RNF149: variants seen among roughly 807,000 people sequenced by gnomAD.
RNF149 encodes the protein E3 ubiquitin-protein ligase RNF149.
RNF149 carries 21 observed loss-of-function variants against 39.0 expected under a neutral mutation model. The ratio of observed to expected loss-of-function variants is 0.54; its 90% CI spans 0.38 to 0.77. The LOEUF (loss-of-function observed/expected upper bound fraction) is 0.77, where lower values mean the gene tolerates loss of function less well. RNF149 is among the 30% of genes least tolerant of loss of function. The pLI, the probability that RNF149 is intolerant of heterozygous loss-of-function variation, is 0.00. For missense variants in RNF149, 493 were observed against 534.9 expected, an observed-to-expected ratio of 0.92 and a Z score of 0.77; for synonymous variants, 209 against 213.6, an observed-to-expected ratio of 0.98 and a Z score of 0.19.
intron 6 of RNF149, among the ~76,000 whole-genome samples, chr2:101,278,124 T>A (rs538124386): frequency 6.6e-6 from 1 of 152,186 alleles, no homozygotes; most frequent in African/African-American, 2.4e-5. Flanking sequence ...CATTACTTTT[T>A]ATTTTGCCAA....
At chr2:101,292,399 C>A (rs957950292) in intron 3 of RNF149, among the ~76,000 whole-genome samples, 6 of 152,252 alleles carry the variant, frequency 3.9e-5, no homozygotes, top group Admixed American at 3.9e-4. Flanking sequence ...GAGGATAATA[C>A]CAATTTACTT....
chr2:101,275,980 T>C lies in RNF149; in HGVS notation c.*1258A>G. 2.1e-6 allele frequency: 2 copies of C among 955,362 alleles called. No homozygotes were observed. Among genetic ancestry groups the C allele is most frequent in the Non-Finnish European group, 2.5e-6 (2 of 802,728 alleles). 59.2% of individuals were successfully genotyped at this position (955,362 alleles called of 1,614,324 possible). On this transcript the variant is annotated 3_prime_UTR_variant, in exon 7 of 7. Transcript: ENST00000295317. ...TTTATTTCAGTAAAACTGTTTACTATTTCATGATGAGTAGCTAGAATTAAA... is the reference window on the plus strand; with the variant it reads ...TTTATTTCAGTAAAACTGTTTACTACTTCATGATGAGTAGCTAGAATTAAA...
downstream of RNF149, among the ~76,000 whole-genome samples, chr2:101,273,810 A>G (rs888858198): frequency 6.6e-6 from 1 of 152,152 alleles, no homozygotes; most frequent in African/African-American, 2.4e-5. Context: ...ATCTAAAAAA[A>G]CTATCACTGA....
At chr2:101,304,835 A>ATTTTT (rs11340908) in intron 1 of RNF149, among the ~76,000 whole-genome samples, 6 of 89,764 alleles carry the variant, frequency 6.7e-5, no homozygotes, top group Non-Finnish European at 6.5e-5. Flanking sequence ...GACTACTAGT[A>ATTTTT]TTTTTTTTTT....
chr2:101,307,852 A>C (rs1296093170), intron 1 of RNF149: 1 of 985,436 alleles, frequency 1.0e-6, no homozygotes, highest in Non-Finnish European at 1.2e-6. Flanking sequence ...TGTTAGAACC[A>C]CAAGCCTCCT....
rs1194592673 is a variant in RNF149 at position 101,276,188 on chromosome 2, C to A, written c.*1050G>T. The A allele has an allele frequency of 1.0e-6, 1 of 982,800 alleles. No individual in the cohort carries two copies. The highest frequency in any genetic ancestry group is 1.8e-5 in the African/African-American group (1 of 57,130). 60.9% of individuals were successfully genotyped at this position (982,800 alleles called of 1,614,324 possible). A position where few individuals can be genotyped will look rare whatever the true frequency, so the allele number is the denominator to read the frequency against. On this transcript the variant is annotated 3_prime_UTR_variant, in exon 7 of 7. Coordinates refer to ENST00000295317, the MANE Select transcript of RNF149 (RefSeq NM_173647.4). Reference sequence around the variant, plus strand: ...AATTCCACACTCTAAAAAATAACTGCCTCATACTCGACTTCTACCTCCAAG... The same window carrying A: ...AATTCCACACTCTAAAAAATAACTGACTCATACTCGACTTCTACCTCCAAG...
chr2:101,271,702 G>A (rs1682135701), downstream of RNF149: 1 of 151,620 alleles, frequency 6.6e-6, no homozygotes, highest in African/African-American at 2.4e-5. Flanking sequence ...GAATTCTTTT[G>A]ATTTTCTAGT....
intron 6 of RNF149, 74 bp from the exon 7 acceptor site, chr2:101,277,355 T>TTG (rs973504833): frequency 4.4e-5 from 68 of 1,528,582 alleles, no homozygotes; most frequent in Non-Finnish European, 5.7e-5. Context: ...GCAAACACAC[T>TTG]TACTCACTTG....
intron 1 of RNF149, among the ~76,000 whole-genome samples, chr2:101,296,299 A>G (rs916141090): frequency 2.0e-5 from 3 of 152,222 alleles, no homozygotes; most frequent in African/African-American, 4.8e-5. Flanking sequence ...GACATAGAAA[A>G]GAAGGGCTAA....
chr2:101,277,122 G>C lies in RNF149; in HGVS notation c.*116C>G, dbSNP rs897183949. Reference sequence around the variant, plus strand: ...TTGTATATCAAATCAGAATCTAATAGGTAAAATAATATACATTATTTTCAA... The same window carrying C: ...TTGTATATCAAATCAGAATCTAATACGTAAAATAATATACATTATTTTCAA... On this transcript the variant is annotated 3_prime_UTR_variant, in exon 7 of 7. Coordinates refer to ENST00000295317, the MANE Select transcript of RNF149 (RefSeq NM_173647.4). The C allele has an allele frequency of 3.4e-6, 5 of 1,462,138 alleles. No homozygotes were observed. The highest frequency in any genetic ancestry group is 4.3e-5 in the Admixed American group (2 of 46,486). 90.6% of individuals were successfully genotyped at this position (1,462,138 alleles called of 1,614,324 possible). A position where few individuals can be genotyped will look rare whatever the true frequency, so the allele number is the denominator to read the frequency against.
At position 101,286,180 on chromosome 2, in the gene RNF149, A is replaced by C; in HGVS notation, c.864-3T>G. On this transcript the variant is annotated splice_polypyrimidine_tract_variant and splice_region_variant and intron_variant, in intron 4 of 6. Coordinates refer to ENST00000295317, the MANE Select transcript of RNF149 (RefSeq NM_173647.4). ...TGCATATTCTATGAAAAATATGCCT[A>C]AAAAGATTAAGTATGTGTTAATGTT... 6.5e-7 allele frequency: 1 copy of C among 1,539,534 alleles called. No individual in the cohort carries two copies. Among genetic ancestry groups the C allele is most frequent in the Non-Finnish European group, 9.0e-7 (1 of 1,113,624 alleles).
chr2:101,279,294 T>A (rs1049777221), intron 6 of RNF149, among the ~76,000 whole-genome samples: 9 of 152,228 alleles, frequency 5.9e-5, no homozygotes, highest in Non-Finnish European at 1.0e-4. Flanking sequence ...ACCCATGATT[T>A]CATGATTTCT....
intron 1 of RNF149, among the ~76,000 whole-genome samples, chr2:101,296,738 T>C (rs572302052): frequency 4.6e-5 from 7 of 152,000 alleles, no homozygotes; most frequent in African/African-American, 1.2e-4. Context: ...TAAGTGTATA[T>C]ATAAAAAAAG....
rs1239384644 is a variant in RNF149 at position 101,291,193 on chromosome 2, C to A, written c.781-2138G>T. Among the ~76,000 whole-genome samples, 4 of 152,208 alleles carry A rather than the reference C, an allele frequency of 2.6e-5. No homozygotes were observed. The South Asian group carries it at 6.2e-4, about 24-fold the overall frequency. ...TTGAGACGGAGTCTCGCTCTGTCGCCAGGCTGGAGGGCAGTGGCGCGATCT... is the reference window on the plus strand; with the variant it reads ...TTGAGACGGAGTCTCGCTCTGTCGCAAGGCTGGAGGGCAGTGGCGCGATCT... On this transcript the variant is annotated intron_variant, in intron 3 of 6. Coordinates refer to ENST00000295317, the MANE Select transcript of RNF149 (RefSeq NM_173647.4).
chr2:101,301,035 A>G (rs1305807875), intron 1 of RNF149, among the ~76,000 whole-genome samples: 1 of 152,138 alleles, frequency 6.6e-6, no homozygotes, highest in East Asian at 1.9e-4. Context: ...TTCCAAACTA[A>G]ATGACTGGAT....
intron 1 of RNF149, among the ~76,000 whole-genome samples, chr2:101,297,560 T>C (rs962888679): frequency 6.6e-6 from 1 of 152,014 alleles, no homozygotes; most frequent in Non-Finnish European, 1.5e-5. Context: ...GGTCTCACTA[T>C]GTTGCCCAGG....
intron 1 of RNF149, among the ~76,000 whole-genome samples, chr2:101,299,965 TCACTGTTATC>T: frequency 6.6e-6 from 1 of 152,280 alleles, no homozygotes; most frequent in Middle Eastern, 3.4e-3. Context: ...GGTGCAAAAA[TCACTGTTATC>T]CACTGCCTGG....
chr2:101,302,454 C>T (rs538488166), intron 1 of RNF149, among the ~76,000 whole-genome samples: 8 of 152,182 alleles, frequency 5.3e-5, no homozygotes, highest in Middle Eastern at 3.4e-3. Context: ...AGGACCCCAA[C>T]GTAAGTGCAA....
At position 101,276,316 on chromosome 2, in the gene RNF149, C is replaced by G. The variant is rs904692286; in HGVS notation, c.*922G>C. 4.1e-6 allele frequency: 4 copies of G among 985,552 alleles called. No homozygotes were observed. The South Asian group carries it at 1.9e-4, about 46-fold the overall frequency. The allele number at this position is 985,552 out of a possible 1,614,324, so 61.1% of individuals were successfully genotyped here. A position where few individuals can be genotyped will look rare whatever the true frequency, so the allele number is the denominator to read the frequency against. ...TCCTTTGACCCAAAAGAACAGCAAG[C>G]AAGTAAAAAAGAAGAAACGGTTAAG... is the stretch of plus-strand genomic sequence containing the variant. On this transcript the variant is annotated 3_prime_UTR_variant, in exon 7 of 7. Coordinates refer to ENST00000295317, the MANE Select transcript of RNF149 (RefSeq NM_173647.4).
Sources: gnomAD v4.1 joint callset for allele counts (sites outside exome capture counted in the v4.1 genomes callset) on GRCh38, gnomAD v4.1.1 for gene constraint, MANE v1.5 for transcripts, NCBI Gene and HGNC (gene_info 2026-07-23, HGNC 2026-07-21) for gene names.